ADCY2: variants seen among roughly 807,000 people sequenced by gnomAD.
ADCY2 encodes adenylate cyclase 2.
A neutral mutation model predicts 125.2 loss-of-function variants in ADCY2; 31 were observed. The ratio of observed to expected loss-of-function variants is 0.25; its 90% CI spans 0.19 to 0.33. The LOEUF (loss-of-function observed/expected upper bound fraction) is 0.33, where lower values mean the gene tolerates loss of function less well. Among genes scored for constraint, ADCY2 ranks in the 10% least tolerant of loss-of-function variants. The pLI is 1.00. For synonymous variants in ADCY2, 512 were observed against 548.4 expected (o/e 0.93, Z 0.93); for missense variants, 904 against 1,418.2 (o/e 0.64, Z 5.82).
intron 3 of ADCY2, chr5:7,611,260 CAAGTAGTTAAATAATGAGAA>C (rs1737564530): frequency 6.6e-6 from 1 of 152,042 alleles, no homozygotes; most frequent in Admixed American, 6.6e-5. Flanking sequence ...AAATGTTTCT[CAAGTAGTTAAATAATGAGAA>C]AAGTAGTTAA....
intron 4 of ADCY2, among the ~76,000 whole-genome samples, chr5:7,628,020 A>G (rs1041700465): frequency 7.2e-5 from 11 of 152,236 alleles, no homozygotes; most frequent in African/African-American, 2.7e-4. Flanking sequence ...ATTAAGAGAC[A>G]TAGATAGTTG....
intron 18 of ADCY2, among the ~76,000 whole-genome samples, chr5:7,779,006 C>G (rs953591594): frequency 7.9e-5 from 12 of 152,184 alleles, no homozygotes; most frequent in African/African-American, 2.7e-4. Flanking sequence ...CGATTCCTTT[C>G]AGATTTACCA....
rs776620712 is a variant in ADCY2, at chr5:7,784,434, T to A, written c.2454T>A (p.Leu818=). 5 of 1,613,610 alleles carry A rather than the reference T, an allele frequency of 3.1e-6. No individual in the cohort carries two copies. In the Admixed American group the frequency reaches 8.3e-5, roughly 27 times the overall value. The stretch of plus-strand genomic sequence containing the variant: ...TCTCTATATTCTTCATCACACTGCT[T>A]GTTCTGGGTAGACAGGTAAGAAGTC... ...VSLSIFFITL[L]VLGRQNEYYC... Residue 818 remains leucine, a synonymous_variant, in exon 19 of 25, where the codon CTT becomes CTA. Transcript: ENST00000338316.
chr5:7,814,192 G>A (rs141893342), intron 22 of ADCY2, among the ~76,000 whole-genome samples: 244 of 152,052 alleles, frequency 1.6e-3, no homozygotes, highest in African/African-American at 5.8e-3. Context: ...CAATAGTTCT[G>A]TTTCCTTTGA....
At chr5:7,519,768 C>T (rs977030961) in intron 2 of ADCY2, among the ~76,000 whole-genome samples, 5 of 152,136 alleles carry the variant, frequency 3.3e-5, no homozygotes, top group African/African-American at 1.2e-4. Context: ...TCATCATCCC[C>T]GAAGGAAACC....
At chr5:7,405,964 A>G (rs35655859) in intron 1 of ADCY2, among the ~76,000 whole-genome samples, 1 of 152,076 alleles carries the variant, frequency 6.6e-6, no homozygotes, top group South Asian at 2.1e-4. Flanking sequence ...GGCTCAAGTT[A>G]TCCTCCCATC....
At chr5:7,755,422 G>T (rs886856489) in intron 15 of ADCY2, among the ~76,000 whole-genome samples, 9 of 149,182 alleles carry the variant, frequency 6.0e-5, no homozygotes, top group Non-Finnish European at 8.9e-5. Context: ...AAAAAACATG[G>T]TGGAAAGGAG....
Position 7,567,612 on chromosome 5 carries a change from T to C in ADCY2, c.570+46713T>C, listed in dbSNP as rs576532270. Among the ~76,000 whole-genome samples the C allele has an allele frequency of 7.9e-4, 121 of 152,338 alleles. 1 individual carries two copies. Among genetic ancestry groups the C allele is most frequent in the African/African-American group, 2.8e-3 (116 of 41,584 alleles). On this transcript the variant is annotated intron_variant, in intron 3 of 24. Coordinates refer to ENST00000338316, the MANE Select transcript of ADCY2 (RefSeq NM_020546.3). ...TGGACTGGGTGTGAGTCTAAGTTAA[T>C]ATGGTTGTGTTGAGTTTAGCTTTAT...
At chr5:7,543,908 G>A (rs1260697239) in intron 3 of ADCY2, among the ~76,000 whole-genome samples, 2 of 151,380 alleles carry the variant, frequency 1.3e-5, no homozygotes, top group African/African-American at 2.4e-5. Context: ...CACCTACTCG[G>A]GAGGCTGAGG....
chr5:7,502,679 A>T (rs558033382), intron 2 of ADCY2, among the ~76,000 whole-genome samples: 107 of 152,296 alleles, frequency 7.0e-4, no homozygotes, highest in Non-Finnish European at 1.2e-3. Flanking sequence ...ATGGTTTTAC[A>T]TTTCTCTTCC....
intron 19 of ADCY2, 99 bp from the exon 20 acceptor site, chr5:7,789,543 C>A: frequency 1.6e-6 from 2 of 1,256,860 alleles, no homozygotes; most frequent in Non-Finnish European, 2.2e-6. Context: ...GTTCTTTTTT[C>A]GGTTTCATTT....
Position 7,724,749 on chromosome 5 carries a change from T to C in ADCY2, c.1773+135T>C, listed in dbSNP as rs564748593. ...ATATTCGAACTCTTTCTGGCTTTTC[T>C]GGTGGTTCTTTCATGCATATATTGC... is the stretch of plus-strand genomic sequence containing the variant. On this transcript the variant is annotated intron_variant, in intron 13 of 24. Coordinates refer to ENST00000338316, the MANE Select transcript of ADCY2 (RefSeq NM_020546.3). 1.8e-4 allele frequency: 117 copies of C among 666,710 alleles called. No individual in the cohort carries two copies. The African/African-American group carries it at 2.0e-3, about 11-fold the overall frequency. 41.3% of individuals were successfully genotyped at this position (666,710 alleles called of 1,614,324 possible).
intron 3 of ADCY2, among the ~76,000 whole-genome samples, chr5:7,587,623 G>T (rs1162514898): frequency 2.0e-5 from 3 of 152,206 alleles, no homozygotes; most frequent in Non-Finnish European, 1.5e-5. Flanking sequence ...TGCCTGAAAT[G>T]TGGTAGCGGA....
intron 3 of ADCY2, among the ~76,000 whole-genome samples, chr5:7,579,855 G>A (rs1429058476): frequency 6.6e-6 from 1 of 152,172 alleles, no homozygotes; most frequent in African/African-American, 2.4e-5. Context: ...CAAAGACATG[G>A]AATCACCTAA....
At chr5:7,639,389 G>A (rs1738617588) in intron 4 of ADCY2, among the ~76,000 whole-genome samples, 1 of 152,218 alleles carries the variant, frequency 6.6e-6, no homozygotes, top group Non-Finnish European at 1.5e-5. Context: ...GCACAGCAGT[G>A]AGAAAGGCTT....
chr5:7,755,320 G>A (rs185493421), intron 15 of ADCY2, among the ~76,000 whole-genome samples: 1 of 152,174 alleles, frequency 6.6e-6, no homozygotes. Flanking sequence ...AAGTGAACCC[G>A]GAACCTGGTC....
At chr5:7,763,184 C>T (rs1304233091) in intron 16 of ADCY2, among the ~76,000 whole-genome samples, 1 of 151,958 alleles carries the variant, frequency 6.6e-6, no homozygotes. Context: ...AGCTCCGCCT[C>T]CCGGGTTCAC....
rs1741282977 is a variant in ADCY2, at chr5:7,706,880, A to G, written c.1246A>G (p.Met416Val). 2 of 1,614,102 alleles carry G rather than the reference A, an allele frequency of 1.2e-6. No homozygotes were observed. The highest frequency in any genetic ancestry group is 1.7e-6 in the Non-Finnish European group (2 of 1,180,038). ...WSHDVTLANH[M>V]EAGGVPGRVH... ...ACATGATGTGACCTTGGCCAACCAC[A>G]TGGAAGCTGGAGGGGTCCCTGGGTA... Residue 416 changes from methionine to valine, a missense_variant, in exon 8 of 25, where the codon ATG (methionine) becomes GTG (valine). This residue lies in a region of ADCY2 where 7 missense variants were observed against 45.2 expected (regional missense o/e 0.15). Transcript: ENST00000338316.
intron 3 of ADCY2, among the ~76,000 whole-genome samples, chr5:7,583,726 C>T (rs951048831): frequency 1.3e-5 from 2 of 152,082 alleles, no homozygotes; most frequent in Non-Finnish European, 2.9e-5. Context: ...ATCACACCTG[C>T]TCTGTGACCT....
Sources: gnomAD v4.1 joint callset for allele counts (sites outside exome capture counted in the v4.1 genomes callset) on GRCh38, gnomAD v4.1.1 for gene constraint, gnomAD v4.1.1 regional missense constraint, MANE v1.5 for transcripts, NCBI Gene and HGNC (gene_info 2026-07-23, HGNC 2026-07-21) for gene names.